Variants in ZNF407 observed in about 807,000 individuals in gnomAD.
The protein encoded by ZNF407 is zinc finger protein 407.
ZNF407 carries 17 observed loss-of-function variants against 131.2 expected under a neutral mutation model. The ratio of observed to expected loss-of-function variants is 0.13; its 90% confidence interval spans 0.09 to 0.19. The LOEUF (loss-of-function observed/expected upper bound fraction) is 0.19. Ranked by LOEUF, ZNF407 falls within the 10% of genes least tolerant of loss-of-function variation. The pLI is 1.00. For synonymous variants in ZNF407, 1,156 were observed against 1,062.0 expected (o/e 1.09, Z -1.72); for missense variants, 2,681 against 2,830.6 (o/e 0.95, Z 1.20).
rs564661543 is a variant in ZNF407, at chr18:74,690,228, C to A, written c.4802+49106C>A. Among the ~76,000 whole-genome samples the A allele has an allele frequency of 1.4e-3, 208 of 152,168 alleles. 1 individual carries two copies. The highest frequency in any genetic ancestry group is 4.6e-3 in the African/African-American group (192 of 41,494). On this transcript the variant is annotated intron_variant, in intron 3 of 8. Transcript: ENST00000299687. ...TCTTTAAGAGAAATTTTAGAATTCCCTAGACTCTTAATAAAGGACCCTATG... is the reference window on the plus strand; with the variant it reads ...TCTTTAAGAGAAATTTTAGAATTCCATAGACTCTTAATAAAGGACCCTATG...
rs1290304359 is a variant in ZNF407 at position 74,633,596 on chromosome 18, C to A, written c.2577C>A (p.Ala859=). Residue 859 remains alanine, a synonymous_variant, in exon 2 of 9, where the codon GCC becomes GCA. Transcript: ENST00000299687. The part of the protein sequence containing the change: ...SRTCSHCGLL[A]SSITNLTVHI... ...CGTGTTCACACTGTGGCCTTTTGGC[C>A]TCTAGTATTACAAACTTGACTGTTC... is the stretch of plus-strand genomic sequence containing the variant. The A allele has an allele frequency of 3.7e-6, 6 of 1,613,854 alleles. No individual in the cohort carries two copies. Among genetic ancestry groups the A allele is most frequent in the Non-Finnish European group, 5.1e-6 (6 of 1,179,910 alleles).
rs940443841 is a variant in ZNF407, at chr18:74,618,335, G to C, written c.-53-12632G>C. On this transcript the variant is annotated intron_variant, in intron 1 of 8. Transcript: ENST00000299687. ...CTAAAGACCAAGTTCTCCATGCCGG[G>C]TGTGCTCCTTGTTAACTGGCCATCC... 9.9e-5 allele frequency among the ~76,000 whole-genome samples: 15 copies of C among 152,270 alleles called. No individual in the cohort carries two copies. The East Asian group carries it at 2.9e-3, about 29-fold the overall frequency.
intron 4 of ZNF407, among the ~76,000 whole-genome samples, chr18:74,819,239 T>G (rs1380204661): frequency 2.0e-5 from 3 of 152,250 alleles, no homozygotes; most frequent in African/African-American, 7.2e-5. Context: ...TTTGGTATCT[T>G]GTTATATCGG....
intron 3 of ZNF407, among the ~76,000 whole-genome samples, chr18:74,740,838 C>T (rs1421574805): frequency 6.6e-6 from 1 of 152,168 alleles, no homozygotes; most frequent in African/African-American, 2.4e-5. Flanking sequence ...CGAACCCCCT[C>T]CCACTGGTCC....
Position 74,672,756 on chromosome 18 carries a change from G to T in ZNF407, c.4802+31634G>T, listed in dbSNP as rs1986203666. Among the ~76,000 whole-genome samples the T allele has an allele frequency of 2.0e-5, 3 of 152,120 alleles. No individual in the cohort carries two copies. In the South Asian group the frequency reaches 6.2e-4, roughly 32 times the overall value. On this transcript the variant is annotated intron_variant, in intron 3 of 8. Transcript: ENST00000299687. ...AATGCTGAATAGCTTTCTTAAAGGA[G>T]AAAAAACTTTGGGAAAGTAAATATT...
rs112694666 is a variant in ZNF407 at position 75,004,618 on chromosome 18, G to A, written c.5429-58532G>A. Reference sequence around the variant, plus strand: ...TCCGATTCATTCAATCAGACCCATCGTTGAGAACTGGAATTTCACCAGGGA... The same window carrying A: ...TCCGATTCATTCAATCAGACCCATCATTGAGAACTGGAATTTCACCAGGGA... On this transcript the variant is annotated intron_variant, in intron 8 of 8. Coordinates refer to ENST00000299687, the MANE Select transcript of ZNF407 (RefSeq NM_017757.3). Among the ~76,000 whole-genome samples, 499 of 152,296 alleles carry A rather than the reference G, an allele frequency of 3.3e-3. 8 individuals are homozygous for A. Among genetic ancestry groups the A allele is most frequent in the African/African-American group, 0.011 (466 of 41,564 alleles).
At chr18:74,737,002 A>G (rs1201024214) in intron 3 of ZNF407, among the ~76,000 whole-genome samples, 1 of 152,182 alleles carries the variant, frequency 6.6e-6, no homozygotes, top group East Asian at 1.9e-4. Flanking sequence ...TTGCTATTAT[A>G]AAGTTTCTTC....
At chr18:74,786,596 A>T (rs545527662) in intron 4 of ZNF407, among the ~76,000 whole-genome samples, 57 of 151,990 alleles carry the variant, frequency 3.8e-4, no homozygotes, top group African/African-American at 1.2e-3. Flanking sequence ...AAAACATGTC[A>T]GTTCTTTCCA....
chr18:74,994,876 G>A (rs906455560), intron 8 of ZNF407, among the ~76,000 whole-genome samples: 1 of 152,140 alleles, frequency 6.6e-6, no homozygotes, highest in Non-Finnish European at 1.5e-5. Context: ...TTCTACAATT[G>A]ATGAGGGTGG....
chr18:74,997,548 G>A (rs569728801), intron 8 of ZNF407, among the ~76,000 whole-genome samples: 1 of 152,152 alleles, frequency 6.6e-6, no homozygotes, highest in Non-Finnish European at 1.5e-5. Context: ...TTTTGTCCTT[G>A]TGCCCTTTTT....
intron 8 of ZNF407, among the ~76,000 whole-genome samples, chr18:75,003,934 G>A (rs543522842): frequency 2.0e-5 from 3 of 152,250 alleles, no homozygotes; most frequent in African/African-American, 7.2e-5. Context: ...ATGGCAGCAG[G>A]GCAGCAAATG....
chr18:74,779,109 A>ATATTTTTTTT (rs397943457), intron 3 of ZNF407, among the ~76,000 whole-genome samples: 1 of 24,376 alleles, frequency 4.1e-5, no homozygotes, highest in Admixed American at 9.3e-4. Context: ...ATATATATAT[A>ATATTTTTTTT]TTTTTTTTTT....
chr18:74,850,286 A>T (rs1970763230), intron 4 of ZNF407, among the ~76,000 whole-genome samples: 1 of 151,718 alleles, frequency 6.6e-6, no homozygotes, highest in Non-Finnish European at 1.5e-5. Context: ...TGGTTAATGG[A>T]TAGATTTCTT....
rs550271463 is a variant in ZNF407, at chr18:74,747,058, C to T, written c.4803-34370C>T. The stretch of plus-strand genomic sequence containing the variant: ...ATTTTTCAACTTCATTATAATCTTA[C>T]GGGACCATTGTCATATATGTGGTTA... On this transcript the variant is annotated intron_variant, in intron 3 of 8. Coordinates refer to ENST00000299687, the MANE Select transcript of ZNF407 (RefSeq NM_017757.3). Among the ~76,000 whole-genome samples, 359 of 152,218 alleles carry T rather than the reference C, an allele frequency of 2.4e-3. 1 individual carries two copies. The highest frequency in any genetic ancestry group is 3.4e-3 in the Non-Finnish European group (234 of 68,010).
rs576725656 is a variant in ZNF407 at position 74,846,263 on chromosome 18, G to A, written c.4878-30934G>A. Reference sequence around the variant, plus strand: ...ACATCCTAACAAACAGCTTAAAGTAGCATCAGTTCATATACAGTGTTGGAA... The same window carrying A: ...ACATCCTAACAAACAGCTTAAAGTAACATCAGTTCATATACAGTGTTGGAA... On this transcript the variant is annotated intron_variant, in intron 4 of 8. Transcript: ENST00000299687. Among the ~76,000 whole-genome samples, 127 of 152,010 alleles carry A rather than the reference G, an allele frequency of 8.4e-4. 1 individual carries two copies. Among genetic ancestry groups the A allele is most frequent in the African/African-American group, 2.7e-3 (111 of 41,486 alleles).
Position 74,877,266 on chromosome 18 carries a change from C to T in ZNF407, c.4947C>T (p.Leu1649=), listed in dbSNP as rs760668241. The T allele has an allele frequency of 4.3e-6, 7 of 1,614,006 alleles. No individual in the cohort carries two copies. The highest frequency in any genetic ancestry group is 5.9e-6 in the Non-Finnish European group (7 of 1,179,858). The change falls in exon 5 of 9, where the codon CTC becomes CTT. Residue 1649 remains leucine, a synonymous_variant. Coordinates refer to ENST00000299687, the MANE Select transcript of ZNF407 (RefSeq NM_017757.3). The part of the protein sequence containing the change: ...EKWALNNHMK[L]HTGEKPFKCT... ...GGGCCCTGAACAACCACATGAAACT[C>T]CACACGGGAGAAAAGCCGTTTAAAT...
At chr18:74,751,105 G>T (rs560182653) in intron 3 of ZNF407, among the ~76,000 whole-genome samples, 1 of 152,084 alleles carries the variant, frequency 6.6e-6, no homozygotes, top group South Asian at 2.1e-4. Context: ...GTCCTTTGAA[G>T]CACAAACTTC....
intron 4 of ZNF407, among the ~76,000 whole-genome samples, chr18:74,856,027 C>G (rs903788065): frequency 2.0e-5 from 3 of 152,154 alleles, no homozygotes; most frequent in African/African-American, 4.8e-5. Context: ...CATGTCTTGG[C>G]GATTAGAACT....
chr18:74,957,349 C>G (rs1287014472), intron 8 of ZNF407, among the ~76,000 whole-genome samples: 1 of 152,162 alleles, frequency 6.6e-6, no homozygotes, highest in Non-Finnish European at 1.5e-5. Context: ...AGATGCTTCA[C>G]TCGCGGCCAG....
Sources: allele counts gnomAD v4.1 joint callset (sites outside exome capture counted in the v4.1 genomes callset), GRCh38; gene constraint gnomAD v4.1.1; transcripts MANE v1.5; gene names NCBI Gene and HGNC (gene_info 2026-07-23, HGNC 2026-07-21).